SPATA22: variants seen among roughly 807,000 people sequenced by gnomAD.
SPATA22 encodes spermatogenesis associated 22, also known as spermatogenesis-associated protein 22.
SPATA22 carries 29 observed loss-of-function variants against 47.8 expected under a neutral mutation model. That is an observed-to-expected ratio of 0.61 (90% confidence interval 0.45 to 0.83). SPATA22 has a LOEUF of 0.83. Ranked by LOEUF, SPATA22 falls within the 40% of genes least tolerant of loss-of-function variation. SPATA22 has a pLI of 0.00. For synonymous variants in SPATA22, 133 were observed against 140.9 expected, an observed-to-expected ratio of 0.94 and a Z score of 0.40; for missense variants, 410 against 421.7, an observed-to-expected ratio of 0.97 and a Z score of 0.24.
At chr17:3,463,927 C>CCCTCTCCCTCTCCCTCTG (rs2073196610) in intron 3 of SPATA22, among the ~76,000 whole-genome samples, 2 of 69,784 alleles carry the variant, frequency 2.9e-5, no homozygotes, top group Non-Finnish European at 8.6e-5. Context: ...CTCTCCCTCT[C>CCCTCTCCCTCTCCCTCTG]CCTCTCCCTC....
At chr17:3,465,148 G>C (rs1345098944) in intron 3 of SPATA22, among the ~76,000 whole-genome samples, 5 of 116,754 alleles carry the variant, frequency 4.3e-5, no homozygotes, top group Non-Finnish European at 9.2e-5. Context: ...CCGTCCGGGA[G>C]GGAGGTGGGG....
chr17:3,489,198 C>T (rs754689698), intron 1 of SPATA22: 23 of 1,207,386 alleles, frequency 1.9e-5, no homozygotes, highest in African/African-American at 3.0e-5. Flanking sequence ...TATTTTCATA[C>T]TTATATAAAT....
intron 7 of SPATA22, among the ~76,000 whole-genome samples, chr17:3,445,882 A>T (rs2072715963): frequency 6.6e-6 from 1 of 152,110 alleles, no homozygotes; most frequent in South Asian, 2.1e-4. Flanking sequence ...ACAAATTACC[A>T]CAAACTTAGT....
intron 5 of SPATA22, among the ~76,000 whole-genome samples, chr17:3,460,394 TAGTA>T (rs1382603890): frequency 6.6e-6 from 1 of 152,216 alleles, no homozygotes; most frequent in African/African-American, 2.4e-5. Context: ...ATAATGAGAA[TAGTA>T]AGTTATTTTA....
At chr17:3,458,339 G>A (rs1193418215) in intron 5 of SPATA22, among the ~76,000 whole-genome samples, 14 of 151,750 alleles carry the variant, frequency 9.2e-5, no homozygotes, top group Non-Finnish European at 4.4e-5. Context: ...GTTGGCGAGG[G>A]TGCAGAAAAA....
chr17:3,470,055 T>G (rs1432148195), intron 1 of SPATA22, among the ~76,000 whole-genome samples: 2 of 126,560 alleles, frequency 1.6e-5, no homozygotes, highest in Admixed American at 2.1e-4. Flanking sequence ...ATCGTGCCAC[T>G]GCACTCCAGC....
intron 1 of SPATA22, chr17:3,489,189 AT>A: frequency 8.7e-7 from 1 of 1,155,190 alleles, no homozygotes; most frequent in Non-Finnish European, 1.3e-6. Flanking sequence ...TTTATAATAT[AT>A]TTTCATACTT....
intron 5 of SPATA22, among the ~76,000 whole-genome samples, chr17:3,461,918 A>T (rs544716262): frequency 6.6e-6 from 1 of 152,028 alleles, no homozygotes; most frequent in Non-Finnish European, 1.5e-5. Flanking sequence ...TTTTCTATCA[A>T]TTTTTTCATA....
chr17:3,463,025 A>G (rs1202605797), intron 3 of SPATA22, among the ~76,000 whole-genome samples: 1 of 152,248 alleles, frequency 6.6e-6, no homozygotes, highest in Non-Finnish European at 1.5e-5. Flanking sequence ...CTAGTATAGT[A>G]TCTTTAACTT....
intron 3 of SPATA22, among the ~76,000 whole-genome samples, chr17:3,465,315 T>C (rs1418898244): frequency 6.6e-6 from 1 of 151,726 alleles, no homozygotes; most frequent in Non-Finnish European, 1.5e-5. Flanking sequence ...ATGATGACAA[T>C]GGCGGTTTTG....
In SPATA22 at chr17:3,469,402, CAAAG is replaced by C. The variant is rs1172200867; in HGVS notation, c.-73-8_-73-5del. 8.9e-7 allele frequency: 1 copy of C among 1,128,804 alleles called. No individual in the cohort carries two copies. Among genetic ancestry groups the C allele is most frequent in the African/African-American group, 1.6e-5 (1 of 63,796 alleles). The allele number at this position is 1,128,804 out of a possible 1,614,324, so 69.9% of individuals were successfully genotyped here. A position where few individuals can be genotyped will look rare whatever the true frequency, so the allele number is the denominator to read the frequency against. On this transcript the variant is annotated splice_region_variant and splice_polypyrimidine_tract_variant and intron_variant, in intron 1 of 8. Coordinates refer to ENST00000572969, the MANE Select transcript of SPATA22 (RefSeq NM_001170698.2). ...ATATGACATTGTCCCACTAGACCTG[CAAAG>C]AAAGAAACTTATAACTCGTATTGTC...
intron 1 of SPATA22, among the ~76,000 whole-genome samples, chr17:3,509,779 C>T (rs963381593): frequency 6.6e-6 from 1 of 152,190 alleles, no homozygotes; most frequent in African/African-American, 2.4e-5. Context: ...TGCATTCCCA[C>T]CAACAGTGTA....
intron 1 of SPATA22, among the ~76,000 whole-genome samples, chr17:3,469,817 A>T (rs1299451496): frequency 6.6e-6 from 1 of 152,202 alleles, no homozygotes; most frequent in Non-Finnish European, 1.5e-5. Context: ...TGTGCAGGAC[A>T]TCTGCCTTTG....
intron 3 of SPATA22, among the ~76,000 whole-genome samples, chr17:3,467,039 C>A (rs1275388349): frequency 6.6e-6 from 1 of 152,084 alleles, no homozygotes; most frequent in African/African-American, 2.4e-5. Flanking sequence ...TTTTTTTTCC[C>A]ATTTTTCCTG....
In SPATA22 at chr17:3,490,995, C is replaced by G. The variant is rs2073814966; in HGVS notation, c.-73-21597G>C. On this transcript the variant is annotated intron_variant, in intron 1 of 8. Coordinates refer to the SPATA22 transcript ENST00000541913. The surrounding 1 kb of genome is among the most constrained non-coding windows in gnomAD (Gnocchi z 4.6). ...AGCTTGGTGGATTTTCAACTGAGCA[C>G]TCCTATCCACAGAATGCTGACAAAT... is the stretch of plus-strand genomic sequence containing the variant. Among the ~76,000 whole-genome samples the G allele has an allele frequency of 6.6e-6, 1 of 152,186 alleles. No homozygotes were observed.
intron 3 of SPATA22, among the ~76,000 whole-genome samples, chr17:3,464,869 A>G (rs370973051): frequency 0.2 from 16,288 of 81,460 alleles, 2,251 homozygotes; most frequent in East Asian, 0.37. Context: ...CCCGGCAGCC[A>G]CCCCGTCTGG....
At chr17:3,489,131 T>C in intron 1 of SPATA22, 2 of 775,826 alleles carry the variant, frequency 2.6e-6, no homozygotes, top group South Asian at 3.4e-5. Context: ...ACCTTTTTAA[T>C]AATTTTAACA....
intron 3 of SPATA22, among the ~76,000 whole-genome samples, chr17:3,465,994 G>A (rs2073303648): frequency 6.6e-6 from 1 of 151,596 alleles, no homozygotes; most frequent in Admixed American, 6.6e-5. Context: ...TTTTTTAAAT[G>A]GTGGAGTATG....
chr17:3,499,607 A>G (rs1182348627), intron 1 of SPATA22: 1 of 152,726 alleles, frequency 6.5e-6, no homozygotes, highest in Non-Finnish European at 1.5e-5. Context: ...TATATCTGCT[A>G]TGGTGATCTG....
Sources: allele counts gnomAD v4.1 joint callset (sites outside exome capture counted in the v4.1 genomes callset), GRCh38; gene constraint gnomAD v4.1.1; non-coding constraint Gnocchi (gnomAD v3.1); transcripts MANE v1.5; gene names NCBI Gene and HGNC (gene_info 2026-07-23, HGNC 2026-07-21).